The following ATG5 variants were observed in gnomAD, a reference collection of about 807,000 sequenced individuals.
The protein encoded by ATG5 is autophagy related 5.
A neutral mutation model predicts 36.5 loss-of-function variants in ATG5; 14 were observed. The observed-to-expected ratio is 0.38, with a 90% CI of 0.25 to 0.60. The LOEUF (loss-of-function observed/expected upper bound fraction) is 0.60, where lower values mean the gene tolerates loss of function less well. Among genes scored for constraint, ATG5 ranks in the 20% least tolerant of loss-of-function variants. The probability of loss-of-function intolerance (pLI) is 0.60; values close to 1 mark genes in which losing one functional copy is unlikely to be tolerated. For missense variants in ATG5, 195 were observed against 326.7 expected (o/e 0.60, Z 3.11); for synonymous variants, 95 against 101.5 (o/e 0.94, Z 0.38).
intron 6 of ATG5, among the ~76,000 whole-genome samples, chr6:106,208,690 T>C (rs1055404888): frequency 6.6e-6 from 1 of 152,070 alleles, no homozygotes; most frequent in Non-Finnish European, 1.5e-5. Context: ...CAACAACAGC[T>C]AAGCTTTTGT....
chr6:106,198,802 A>G (rs1562205915), intron 7 of ATG5, among the ~76,000 whole-genome samples: 3 of 152,150 alleles, frequency 2.0e-5, no homozygotes, highest in East Asian at 3.9e-4. Flanking sequence ...GAGAGTGAGA[A>G]AGAGAGAAAG....
intron 6 of ATG5, among the ~76,000 whole-genome samples, chr6:106,207,636 C>T (rs186134965): frequency 7.2e-5 from 11 of 152,106 alleles, no homozygotes; most frequent in East Asian, 1.9e-4. Context: ...TTAACATTAA[C>T]GTTGATAAAA....
At chr6:106,276,883 A>G (rs1307789232) in intron 5 of ATG5, among the ~76,000 whole-genome samples, 1 of 152,174 alleles carries the variant, frequency 6.6e-6, no homozygotes, top group Non-Finnish European at 1.5e-5. Flanking sequence ...GGAGGTGTAA[A>G]TTATTGTAAT....
chr6:106,277,455 T>C (rs1779702040), intron 5 of ATG5, among the ~76,000 whole-genome samples: 1 of 152,208 alleles, frequency 6.6e-6, no homozygotes. Flanking sequence ...TGGGGACAAT[T>C]ACGATTGTTC....
intron 3 of ATG5, among the ~76,000 whole-genome samples, chr6:106,296,440 T>G (rs1385108993): frequency 6.6e-6 from 1 of 152,228 alleles, no homozygotes; most frequent in Admixed American, 6.5e-5. Flanking sequence ...ACATGATGCC[T>G]AGAAGGATGA....
chr6:106,316,873 C>T (rs1770872332), intron 1 of ATG5, among the ~76,000 whole-genome samples: 1 of 152,122 alleles, frequency 6.6e-6, no homozygotes, highest in Non-Finnish European at 1.5e-5. Flanking sequence ...AACCCTCTAC[C>T]AAAAGTGGCC....
intron 5 of ATG5, among the ~76,000 whole-genome samples, chr6:106,264,423 T>C (rs1779150044): frequency 1.3e-5 from 2 of 151,922 alleles, no homozygotes; most frequent in African/African-American, 4.8e-5. Flanking sequence ...CACTTCGGGG[T>C]ATTATCCAGG....
intron 5 of ATG5, among the ~76,000 whole-genome samples, chr6:106,260,405 A>G (rs1306116664): frequency 6.6e-6 from 1 of 152,238 alleles, no homozygotes; most frequent in East Asian, 1.9e-4. Context: ...CGGGAAAGAG[A>G]GAAATACACT....
At chr6:106,305,974 C>T (rs1770429009) in intron 3 of ATG5, among the ~76,000 whole-genome samples, 1 of 152,024 alleles carries the variant, frequency 6.6e-6, no homozygotes, top group African/African-American at 2.4e-5. Flanking sequence ...CTTAAAAACA[C>T]TAAAGGAAAA....
At chr6:106,306,323 C>T (rs1770445171) in intron 3 of ATG5, among the ~76,000 whole-genome samples, 1 of 151,152 alleles carries the variant, frequency 6.6e-6, no homozygotes, top group Admixed American at 6.6e-5. Flanking sequence ...TGAGGGACAG[C>T]ATAAAACAGC....
chr6:106,315,903 A>G (rs1458902424), intron 2 of ATG5, among the ~76,000 whole-genome samples, 198 bp downstream of exon 2: 2 of 152,212 alleles, frequency 1.3e-5, no homozygotes, highest in East Asian at 1.9e-4. Flanking sequence ...ACATGCTGAC[A>G]GTGGTTTTGT....
intron 6 of ATG5, among the ~76,000 whole-genome samples, chr6:106,233,320 C>G (rs573468114): frequency 2.6e-4 from 39 of 152,142 alleles, no homozygotes; most frequent in Non-Finnish European, 4.6e-4. Context: ...CCAGGTACGG[C>G]GAAATAGCCA....
chr6:106,295,864 C>T (rs1769907923), intron 3 of ATG5, among the ~76,000 whole-genome samples: 1 of 152,042 alleles, frequency 6.6e-6, no homozygotes, highest in Non-Finnish European at 1.5e-5. Context: ...ATGTCCAGCC[C>T]AAATAACTCT....
At chr6:106,208,224 C>CACATATGTGTATATATACATA (rs1776712536) in intron 6 of ATG5, among the ~76,000 whole-genome samples, 3 of 135,108 alleles carry the variant, frequency 2.2e-5, no homozygotes, top group Admixed American at 7.8e-5. Context: ...ATATATACAT[C>CACATATGTGTATATATACATA]TGTGTAAACA....
At chr6:106,311,896 T>G (rs1360431213) in intron 2 of ATG5, among the ~76,000 whole-genome samples, 1 of 151,548 alleles carries the variant, frequency 6.6e-6, no homozygotes, top group East Asian at 1.9e-4. Context: ...AAAGGCAAGA[T>G]CTCGGCTCAC....
At chr6:106,290,894 T>C (rs1331080097) in intron 4 of ATG5, among the ~76,000 whole-genome samples, 1 of 152,232 alleles carries the variant, frequency 6.6e-6, no homozygotes. Flanking sequence ...AAGTTTACAG[T>C]GGCATCATGT....
chr6:106,219,682 G>A (rs1230133812), intron 6 of ATG5, among the ~76,000 whole-genome samples: 1 of 152,092 alleles, frequency 6.6e-6, no homozygotes, highest in Non-Finnish European at 1.5e-5. Context: ...ACCCAGGGAG[G>A]TCCTGGAACT....
chr6:106,282,225 C>T (rs1007357125), intron 4 of ATG5, among the ~76,000 whole-genome samples: 1 of 152,160 alleles, frequency 6.6e-6, no homozygotes, highest in Non-Finnish European at 1.5e-5. Flanking sequence ...ATTTCTTGTC[C>T]GATTCCAGAA....
intron 6 of ATG5, among the ~76,000 whole-genome samples, chr6:106,223,797 T>C (rs1050331855): frequency 2.0e-5 from 3 of 152,318 alleles, no homozygotes; most frequent in East Asian, 3.9e-4. Flanking sequence ...ATGTTTGCTA[T>C]AGAAAAAGAA....
Sources: gnomAD v4.1 joint callset for allele counts (sites outside exome capture counted in the v4.1 genomes callset) on GRCh38, gnomAD v4.1.1 for gene constraint, MANE v1.5 for transcripts, NCBI Gene and HGNC (gene_info 2026-07-23, HGNC 2026-07-21) for gene names.